Variants in DCP2 observed in about 807,000 individuals in gnomAD.
The protein encoded by DCP2 is decapping mRNA 2.
Under a neutral mutation model 56.1 loss-of-function variants are expected in DCP2, and 30 were observed. The observed-to-expected ratio is 0.53, with a 90% CI of 0.40 to 0.73. The LOEUF (loss-of-function observed/expected upper bound fraction) is 0.73, where lower values mean the gene tolerates loss of function less well. Ranked by LOEUF, DCP2 falls within the 30% of genes least tolerant of loss-of-function variation. DCP2 has a pLI of 0.00. For synonymous variants in DCP2, 197 were observed against 163.3 expected (o/e 1.21, Z -1.57); for missense variants, 533 against 502.7 (o/e 1.06, Z -0.58).
chr5:113,000,547 C>T (rs192210380), intron 4 of DCP2, among the ~76,000 whole-genome samples: 64 of 152,062 alleles, frequency 4.2e-4, no homozygotes, highest in Non-Finnish European at 8.1e-4. Context: ...ATTATAAATC[C>T]AAGCCATCGA....
At position 112,997,637 on chromosome 5, in the gene DCP2, T is replaced by A. The variant is rs549760820; in HGVS notation, c.433-3447T>A. Among the ~76,000 whole-genome samples, 5 of 149,030 alleles carry A rather than the reference T, an allele frequency of 3.4e-5. No individual in the cohort carries two copies. The East Asian group carries it at 9.8e-4, about 29-fold the overall frequency. ...TCTTTTTTTTTTTTTTGAGACGGAGTCTTGTTCTGTCACCCAGGCTGGAGT... is the reference window on the plus strand; with the variant it reads ...TCTTTTTTTTTTTTTTGAGACGGAGACTTGTTCTGTCACCCAGGCTGGAGT... On this transcript the variant is annotated intron_variant, in intron 4 of 10. Coordinates refer to ENST00000389063, the MANE Select transcript of DCP2 (RefSeq NM_152624.6).
At chr5:112,997,895 G>T (rs1453255900) in intron 4 of DCP2, among the ~76,000 whole-genome samples, 1 of 152,090 alleles carries the variant, frequency 6.6e-6, no homozygotes, top group Admixed American at 6.5e-5. Context: ...TTACAGGTGT[G>T]AGCCACCGAG....
rs200180306 is a variant in DCP2 at position 113,010,717 on chromosome 5, GTA to G, written c.1048-37_1048-36del. The G allele has an allele frequency of 4.2e-3, 6,230 of 1,482,710 alleles. 9 individuals carry two copies. The highest frequency in any genetic ancestry group is 5.1e-3 in the African/African-American group (335 of 65,414). 91.8% of individuals were successfully genotyped at this position (1,482,710 alleles called of 1,614,324 possible). On this transcript the variant is annotated intron_variant, in intron 9 of 10. Coordinates refer to ENST00000389063, the MANE Select transcript of DCP2 (RefSeq NM_152624.6). Reference sequence around the variant, plus strand: ...AAGTGAAATAACTGGTGACTGTGTTGTATGTGTGTGTGTGTGTGTTTTTTTTT... The same window carrying G: ...AAGTGAAATAACTGGTGACTGTGTTGTGTGTGTGTGTGTGTGTTTTTTTTT...
intron 2 of DCP2, among the ~76,000 whole-genome samples, chr5:112,988,834 C>T (rs1281037083): frequency 3.3e-5 from 5 of 152,192 alleles, no homozygotes; most frequent in Non-Finnish European, 7.3e-5. Flanking sequence ...TTGCTTTGGT[C>T]ATTTTGTATG....
chr5:113,005,848 TC>T (rs1749405281), intron 8 of DCP2, among the ~76,000 whole-genome samples: 1 of 152,182 alleles, frequency 6.6e-6, no homozygotes, highest in African/African-American at 2.4e-5. Flanking sequence ...GAAATGAAAT[TC>T]TGCCCAGGCA....
chr5:112,994,686 C>T (rs1157144854), intron 4 of DCP2, among the ~76,000 whole-genome samples: 1 of 152,080 alleles, frequency 6.6e-6, no homozygotes, highest in Non-Finnish European at 1.5e-5. Context: ...AGAAGTTGAA[C>T]TAATAGGAAG....
Position 113,013,488 on chromosome 5 carries a change from C to T in DCP2, c.*4C>T, listed in dbSNP as rs763477420. On this transcript the variant is annotated 3_prime_UTR_variant, in exon 11 of 11. Transcript: ENST00000389063. ...AATGAAAATCTTGGACCTTTGATAG[C>T]AGCACATGTATTGTAAATGTCCCAG... 4 of 1,613,636 alleles carry T rather than the reference C, an allele frequency of 2.5e-6. No individual in the cohort carries two copies. Among genetic ancestry groups the T allele is most frequent in the Admixed American group, 1.7e-5 (1 of 59,970 alleles).
chr5:113,000,997 T>G (rs1749151750), intron 4 of DCP2, 87 bp from the exon 5 acceptor site: 5 of 1,280,752 alleles, frequency 3.9e-6, no homozygotes, highest in Admixed American at 5.5e-5. Flanking sequence ...GTCCCCTTTT[T>G]CTGAGTTTTT....
At chr5:113,011,139 C>G (rs1179663431) in intron 10 of DCP2, among the ~76,000 whole-genome samples, 1 of 152,078 alleles carries the variant, frequency 6.6e-6, no homozygotes, top group South Asian at 2.1e-4. Context: ...GGAAACCTCA[C>G]TCTCAGATCT....
intron 9 of DCP2, among the ~76,000 whole-genome samples, chr5:113,009,301 A>G (rs1231512413): frequency 6.6e-6 from 1 of 152,226 alleles, no homozygotes; most frequent in Non-Finnish European, 1.5e-5. Context: ...TAGATTTTTA[A>G]AAGTTGTTTA....
intron 7 of DCP2, among the ~76,000 whole-genome samples, chr5:113,002,943 A>G (rs1316526655): frequency 6.6e-6 from 1 of 152,242 alleles, no homozygotes; most frequent in Non-Finnish European, 1.5e-5. Flanking sequence ...CCTTGTTTAC[A>G]AAGTTGCCTA....
rs1281583112 is a variant in DCP2 at position 113,015,342 on chromosome 5, T to C, written c.*1858T>C. 1 of 152,468 alleles carries C rather than the reference T, an allele frequency of 6.6e-6. No individual in the cohort carries two copies. Among genetic ancestry groups the C allele is most frequent in the Non-Finnish European group, 1.5e-5 (1 of 67,992 alleles). The allele number at this position is 152,468 out of a possible 1,614,324, so 9.4% of individuals were successfully genotyped here. A position where few individuals can be genotyped will look rare whatever the true frequency, so the allele number is the denominator to read the frequency against. On this transcript the variant is annotated 3_prime_UTR_variant, in exon 11 of 11. Transcript: ENST00000389063. ...TGGAAACCATTTAACTTTTACTGTT[T>C]TTTATTTTTTTGGTATGTGTTTTTT...
chr5:112,976,882 G>C lies in DCP2; in HGVS notation c.-52G>C. On this transcript the variant is annotated 5_prime_UTR_variant, in exon 1 of 11. Transcript: ENST00000389063. ...CCGGAGTCCTAGTGCCGTACCGTCA[G>C]TCCCCGGCCGCGCGGAGCCGGGATG... is the stretch of plus-strand genomic sequence containing the variant. 6.3e-7 allele frequency: 1 copy of C among 1,595,340 alleles called. No individual in the cohort carries two copies. Among genetic ancestry groups the C allele is most frequent in the Non-Finnish European group, 8.6e-7 (1 of 1,162,842 alleles).
chr5:113,021,212 C>T lies in DCP2; in HGVS notation c.*7728C>T. Reference sequence around the variant, plus strand: ...GACCAACATGGTGAAACTAAAAATTCAAAAATTAGCTGGGCGTGGTGGTGC... The same window carrying T: ...GACCAACATGGTGAAACTAAAAATTTAAAAATTAGCTGGGCGTGGTGGTGC... On this transcript the variant is annotated 3_prime_UTR_variant, in exon 11 of 11. Coordinates refer to ENST00000389063, the MANE Select transcript of DCP2 (RefSeq NM_152624.6). Among the ~76,000 whole-genome samples the T allele has an allele frequency of 6.6e-6, 1 of 151,566 alleles. No homozygotes were observed. Among genetic ancestry groups the T allele is most frequent in the East Asian group, 1.9e-4 (1 of 5,156 alleles).
rs977802988 is a variant in DCP2, at chr5:113,017,751, A to C, written c.*4267A>C. On this transcript the variant is annotated 3_prime_UTR_variant, in exon 11 of 11. Transcript: ENST00000389063. ...ACTTTAGAGCATTTATCAATACTTG[A>C]GTGCTTTATTATGTTCCAGGCTAGA... 7.9e-5 allele frequency: 12 copies of C among 152,196 alleles called. No homozygotes were observed. Among genetic ancestry groups the C allele is most frequent in the African/African-American group, 2.9e-4 (12 of 41,442 alleles). 9.4% of individuals were successfully genotyped at this position (152,196 alleles called of 1,614,324 possible). A position where few individuals can be genotyped will look rare whatever the true frequency, so the allele number is the denominator to read the frequency against.
chr5:112,992,008 A>G (rs1166645154), intron 2 of DCP2, 113 bp from the exon 3 acceptor site: 1 of 1,448,082 alleles, frequency 6.9e-7, no homozygotes, highest in African/African-American at 1.5e-5. Flanking sequence ...AAATGAGGGA[A>G]GATTTGAATA....
At chr5:112,977,075 A>G (rs1747743005) in intron 1 of DCP2, 89 bp downstream of exon 1, 3 of 1,006,662 alleles carry the variant, frequency 3.0e-6, no homozygotes, top group Non-Finnish European at 4.2e-6. Context: ...TTCCCCGCCC[A>G]CGTCCATGTC....
intron 8 of DCP2, among the ~76,000 whole-genome samples, chr5:113,006,476 GAAACT>G (rs1365647204): frequency 1.3e-5 from 2 of 152,190 alleles, no homozygotes; most frequent in African/African-American, 4.8e-5. Context: ...AGAGTGGAAT[GAAACT>G]AAATTAAAAC....
chr5:113,018,299 GAGAATTGTTCAT>G lies in DCP2; in HGVS notation c.*4817_*4828del, dbSNP rs1749972295. The stretch of plus-strand genomic sequence containing the variant: ...AACTATGATAAAGTATGGAGGTCTT[GAGAATTGTTCAT>G]AATGAAATCTTTAATCTGGGTTATC... On this transcript the variant is annotated 3_prime_UTR_variant, in exon 11 of 11. Transcript: ENST00000389063. The G allele has an allele frequency of 6.6e-6, 1 of 152,200 alleles. No individual in the cohort carries two copies. Among genetic ancestry groups the G allele is most frequent in the Non-Finnish European group, 1.5e-5 (1 of 68,028 alleles). 9.4% of individuals were successfully genotyped at this position (152,200 alleles called of 1,614,324 possible). A position where few individuals can be genotyped will look rare whatever the true frequency, so the allele number is the denominator to read the frequency against.
Sources: gnomAD v4.1 joint callset for allele counts (sites outside exome capture counted in the v4.1 genomes callset) on GRCh38, gnomAD v4.1.1 for gene constraint, MANE v1.5 for transcripts, NCBI Gene and HGNC (gene_info 2026-07-23, HGNC 2026-07-21) for gene names.